Variants in FER observed in about 807,000 individuals in gnomAD.
FER encodes the protein tyrosine-protein kinase Fer.
FER carries 63 observed loss-of-function variants against 111.0 expected under a neutral mutation model. That is an observed-to-expected ratio of 0.57 (90% CI 0.46 to 0.70). The LOEUF is 0.70. Ranked by LOEUF, FER falls within the 30% of genes least tolerant of loss-of-function variation. The pLI is 0.00. For synonymous variants in FER, 327 were observed against 313.9 expected (o/e 1.04, Z -0.44); for missense variants, 914 against 954.0 (o/e 0.96, Z 0.55).
intron 5 of FER, among the ~76,000 whole-genome samples, chr5:108,850,810 A>C (rs886129118): frequency 4.6e-5 from 7 of 152,176 alleles, no homozygotes; most frequent in African/African-American, 1.7e-4. Flanking sequence ...AATGTTAGAT[A>C]GTTTCTCTGG....
intron 3 of FER, among the ~76,000 whole-genome samples, chr5:108,799,992 A>G (rs945882417): frequency 2.6e-5 from 4 of 151,518 alleles, no homozygotes; most frequent in Non-Finnish European, 5.9e-5. Context: ...ACAGGTGTGT[A>G]CCACTACACC....
intron 10 of FER, among the ~76,000 whole-genome samples, chr5:108,931,842 A>G (rs566673469): frequency 6.6e-6 from 1 of 152,232 alleles, no homozygotes; most frequent in East Asian, 1.9e-4. Context: ...GGGAAAAAAA[A>G]TAGTGCATAA....
intron 17 of FER, among the ~76,000 whole-genome samples, chr5:109,149,788 A>G (rs905762762): frequency 2.0e-5 from 3 of 152,162 alleles, no homozygotes; most frequent in African/African-American, 7.2e-5. Flanking sequence ...GTAAACATGA[A>G]TTGAAAAAGT....
chr5:108,889,794 A>C (rs1747749512), intron 9 of FER, among the ~76,000 whole-genome samples: 1 of 151,962 alleles, frequency 6.6e-6, no homozygotes, highest in African/African-American at 2.4e-5. Context: ...ATATATACCT[A>C]TTATGTACCC....
intron 16 of FER, among the ~76,000 whole-genome samples, chr5:109,084,283 ATCT>A (rs1208913873): frequency 6.6e-6 from 1 of 151,986 alleles, no homozygotes; most frequent in Non-Finnish European, 1.5e-5. Flanking sequence ...CCACACATAC[ATCT>A]TCTTTTTGAA....
At chr5:109,129,384 T>C (rs1004347446) in intron 17 of FER, among the ~76,000 whole-genome samples, 1 of 152,028 alleles carries the variant, frequency 6.6e-6, no homozygotes, top group Non-Finnish European at 1.5e-5. Context: ...TGTATACTTG[T>C]TTACCTTTAA....
intron 2 of FER, among the ~76,000 whole-genome samples, chr5:108,782,430 G>A (rs188711023): frequency 3.9e-5 from 6 of 152,100 alleles, no homozygotes; most frequent in Admixed American, 2.0e-4. Flanking sequence ...GTTGCAACTT[G>A]TTTTATCTTG....
chr5:108,877,659 T>C (rs1765225904), intron 8 of FER, among the ~76,000 whole-genome samples: 1 of 152,218 alleles, frequency 6.6e-6, no homozygotes, highest in Admixed American at 6.6e-5. Context: ...AAAAGTTACC[T>C]CAGGCAACTA....
intron 13 of FER, among the ~76,000 whole-genome samples, chr5:109,011,250 T>C (rs905578176): frequency 2.6e-5 from 4 of 152,150 alleles, no homozygotes; most frequent in African/African-American, 7.2e-5. Flanking sequence ...CAGTGAGATA[T>C]TGAGAAGATG....
intron 16 of FER, among the ~76,000 whole-genome samples, chr5:109,072,209 A>G (rs1372373717): frequency 6.6e-6 from 1 of 151,138 alleles, no homozygotes; most frequent in South Asian, 2.1e-4. Context: ...GTGCTACCTG[A>G]GTGCAATTAA....
chr5:108,828,502 A>G (rs1428018272), intron 3 of FER, among the ~76,000 whole-genome samples: 1 of 152,008 alleles, frequency 6.6e-6, no homozygotes, highest in Non-Finnish European at 1.5e-5. Flanking sequence ...AATTATTATC[A>G]CTTTAATGTT....
intron 16 of FER, among the ~76,000 whole-genome samples, chr5:109,097,798 G>C (rs760356616): frequency 8.6e-5 from 13 of 151,638 alleles, no homozygotes; most frequent in Middle Eastern, 3.4e-3. Context: ...CTTGCTTCAG[G>C]GTTCTTAATA....
intron 13 of FER, among the ~76,000 whole-genome samples, chr5:109,018,736 C>A (rs1338899688): frequency 1.3e-5 from 2 of 151,600 alleles, no homozygotes; most frequent in Non-Finnish European, 3.0e-5. Flanking sequence ...AATTATTTCC[C>A]ACAACATTGT....
chr5:109,051,354 A>G (rs1698568001), intron 16 of FER: 1 of 1,609,826 alleles, frequency 6.2e-7, no homozygotes, highest in East Asian at 2.2e-5. Flanking sequence ...TGCTGGCACG[A>G]CTGCTGGCTC....
intron 3 of FER, among the ~76,000 whole-genome samples, chr5:108,802,845 T>C (rs1756820091): frequency 6.6e-6 from 1 of 152,200 alleles, no homozygotes; most frequent in Non-Finnish European, 1.5e-5. Context: ...TATTTTCTTT[T>C]GGCTGTATAC....
intron 5 of FER, among the ~76,000 whole-genome samples, chr5:108,844,686 C>A (rs1374730028): frequency 6.6e-6 from 1 of 151,970 alleles, no homozygotes; most frequent in African/African-American, 2.4e-5. Flanking sequence ...CTCGAGGCAA[C>A]TACTGAACTG....
At chr5:108,838,749 A>C (rs1561492354) in intron 5 of FER, among the ~76,000 whole-genome samples, 2 of 152,250 alleles carry the variant, frequency 1.3e-5, no homozygotes, top group African/African-American at 2.4e-5. Flanking sequence ...TCTAAAAATT[A>C]AATGCACCTT....
At chr5:109,035,281 C>T (rs1371144152) in intron 13 of FER, among the ~76,000 whole-genome samples, 1 of 152,052 alleles carries the variant, frequency 6.6e-6, no homozygotes, top group Non-Finnish European at 1.5e-5. Flanking sequence ...AAAGTTGCTT[C>T]TTTCCCTTTT....
chr5:108,966,472 C>T (rs1360668430), intron 13 of FER, among the ~76,000 whole-genome samples: 1 of 150,578 alleles, frequency 6.6e-6, no homozygotes, highest in Non-Finnish European at 1.5e-5. Flanking sequence ...ACTGCAACCT[C>T]CACCTCCTGG....
Sources: allele counts gnomAD v4.1 joint callset (sites outside exome capture counted in the v4.1 genomes callset), GRCh38; gene constraint gnomAD v4.1.1; transcripts MANE v1.5; gene names NCBI Gene and HGNC (gene_info 2026-07-23, HGNC 2026-07-21).